Variants in PECAM1 observed in about 807,000 individuals in gnomAD.
The protein encoded by PECAM1 is platelet and endothelial cell adhesion molecule 1, also known as platelet endothelial cell adhesion molecule.
Under a neutral mutation model 13.8 loss-of-function variants are expected in PECAM1, and 8 were observed. The observed-to-expected ratio is 0.58, with a 90% CI of 0.34 to 1.05. The LOEUF is 1.05. Among genes scored for constraint, PECAM1 ranks in the 50% least tolerant of loss-of-function variants. The probability of loss-of-function intolerance (pLI) is 0.03; values close to 1 mark genes in which losing one functional copy is unlikely to be tolerated. For missense variants in PECAM1, 304 were observed against 141.2 expected (o/e 2.15, Z -5.84); for synonymous variants, 136 against 52.6 (o/e 2.58, Z -6.86).
chr17:64,341,493 G>A (rs2035429477), intron 14 of PECAM1, 141 bp downstream of exon 14: 1 of 400,576 alleles, frequency 2.5e-6, no homozygotes, highest in Non-Finnish European at 4.5e-6. Context: ...GTGGGAGAGA[G>A]GAAGCCCACA....
intron 2 of PECAM1, among the ~76,000 whole-genome samples, chr17:64,388,502 C>T (rs1159919496): frequency 6.6e-6 from 1 of 152,164 alleles, no homozygotes; most frequent in Non-Finnish European, 1.5e-5. Context: ...TTATCATCCC[C>T]ATGTTACAGA....
intron 2 of PECAM1, among the ~76,000 whole-genome samples, chr17:64,380,035 AAAAG>A (rs1304682154): frequency 1.3e-5 from 2 of 151,708 alleles, no homozygotes; most frequent in Non-Finnish European, 2.9e-5. Flanking sequence ...AAAAAAAAAA[AAAAG>A]AAAGAAAAGA....
At chr17:64,326,519 A>C (rs536228628) in intron 15 of PECAM1, among the ~76,000 whole-genome samples, 3 of 152,300 alleles carry the variant, frequency 2.0e-5, no homozygotes, top group South Asian at 4.1e-4. Flanking sequence ...GAGGCCTGCC[A>C]GCGCCGGCAG....
intron 5 of PECAM1, 58 bp downstream of exon 5, chr17:64,369,692 G>A (rs1026450126): frequency 2.5e-6 from 1 of 398,456 alleles, no homozygotes; most frequent in South Asian, 1.3e-4. Flanking sequence ...CTGGATTGCA[G>A]CATGGTGGCC....
At chr17:64,329,274 G>A (rs370721998) in intron 15 of PECAM1, among the ~76,000 whole-genome samples, 5 of 152,232 alleles carry the variant, frequency 3.3e-5, no homozygotes, top group Admixed American at 6.5e-5. Context: ...AAGGTGAACT[G>A]AGGTCAAGAA....
intron 14 of PECAM1, among the ~76,000 whole-genome samples, chr17:64,337,851 G>C (rs2035322286): frequency 1.3e-5 from 2 of 151,564 alleles, no homozygotes; most frequent in Admixed American, 6.6e-5. Context: ...AGCTGGTTCA[G>C]ATGTAGAAGG....
At chr17:64,375,949 C>G (rs1035627361) in intron 3 of PECAM1, among the ~76,000 whole-genome samples, 1 of 151,766 alleles carries the variant, frequency 6.6e-6, no homozygotes, top group Non-Finnish European at 1.5e-5. Context: ...TGGGAGGGAG[C>G]GAGGGATAAA....
chr17:64,358,854 C>T (rs919861777), intron 7 of PECAM1, among the ~76,000 whole-genome samples: 5 of 150,624 alleles, frequency 3.3e-5, no homozygotes, highest in South Asian at 2.1e-4. Flanking sequence ...TGGAGTGTAG[C>T]GGAATGATAT....
intron 12 of PECAM1, among the ~76,000 whole-genome samples, chr17:64,349,619 G>T (rs2035666905): frequency 1.4e-5 from 2 of 147,850 alleles, no homozygotes; most frequent in Non-Finnish European, 3.0e-5. Context: ...AGGCGCAGTG[G>T]CTCGCGCCTG....
intron 13 of PECAM1, among the ~76,000 whole-genome samples, chr17:64,345,711 TAAAAA>T (rs34143232): frequency 3.3e-4 from 27 of 81,610 alleles, no homozygotes; most frequent in African/African-American, 8.4e-4. Flanking sequence ...AAGACTGTCA[TAAAAA>T]AAAAAAAAAA....
chr17:64,344,671 C>G (rs941297693), intron 13 of PECAM1, among the ~76,000 whole-genome samples: 2 of 152,052 alleles, frequency 1.3e-5, no homozygotes, highest in Non-Finnish European at 2.9e-5. Context: ...TGGCCTTGTA[C>G]CCACAAAGCC....
At chr17:64,387,326 C>T (rs1314606644) in intron 2 of PECAM1, among the ~76,000 whole-genome samples, 1 of 151,564 alleles carries the variant, frequency 6.6e-6, no homozygotes, top group Non-Finnish European at 1.5e-5. Context: ...CGAGGCGTGT[C>T]TGAGAGGTGA....
In PECAM1 at chr17:64,375,349, G is replaced by A; in HGVS notation, c.393C>T (p.Pro131=). 2.1e-6 allele frequency: 1 copy of A among 470,548 alleles called. No individual in the cohort carries two copies. Among genetic ancestry groups the A allele is most frequent in the African/African-American group, 2.0e-5 (1 of 49,600 alleles). 29.1% of individuals were successfully genotyped at this position (470,548 alleles called of 1,614,324 possible). A position where few individuals can be genotyped will look rare whatever the true frequency, so the allele number is the denominator to read the frequency against. Residue 131 remains proline, a synonymous_variant, in exon 4 of 16, where the codon CCC becomes CCT. Coordinates refer to ENST00000563924, the MANE Select transcript of PECAM1 (RefSeq NM_000442.5). ...AEYQVLVEGV[P]SPRVTLDKKE... is the part of the protein sequence containing the mutation. Reference sequence around the variant, plus strand: ...TCTTGTCCAGTGTCACCCTGGGACTGGGCACTCCTACGGGGAAAGAGAAAG... The same window carrying A: ...TCTTGTCCAGTGTCACCCTGGGACTAGGCACTCCTACGGGGAAAGAGAAAG...
At chr17:64,341,786 G>A in intron 13 of PECAM1, 96 bp from the exon 14 acceptor site, 1 of 406,930 alleles carries the variant, frequency 2.5e-6, no homozygotes. Flanking sequence ...TGCAGGCAAG[G>A]CTGTACCCCA....
intron 6 of PECAM1, among the ~76,000 whole-genome samples, chr17:64,361,753 C>CAAAAAA (rs61144320): frequency 7.3e-5 from 5 of 68,102 alleles, no homozygotes; most frequent in Admixed American, 2.1e-4. Context: ...AACTCCATCT[C>CAAAAAA]AAAAAAAAAA....
In PECAM1 at chr17:64,380,392, A is replaced by T. The variant is rs931433375; in HGVS notation, c.92-2275T>A. 9.2e-5 allele frequency among the ~76,000 whole-genome samples: 14 copies of T among 152,288 alleles called. 1 individual carries two copies. The South Asian group carries it at 2.9e-3, about 32-fold the overall frequency. On this transcript the variant is annotated intron_variant, in intron 2 of 15. Transcript: ENST00000563924. Reference sequence around the variant, plus strand: ...TGATCTGTAGGGGATTTGGAAAAAAATGTACTGAAAGTCCATGACCATAAA... The same window carrying T: ...TGATCTGTAGGGGATTTGGAAAAAATTGTACTGAAAGTCCATGACCATAAA...
At chr17:64,341,754 C>A in intron 13 of PECAM1, 64 bp from the exon 14 acceptor site, 1 of 412,948 alleles carries the variant, frequency 2.4e-6, no homozygotes, top group South Asian at 1.3e-4. Flanking sequence ...CCACTGCAGT[C>A]ATAGGAAAAG....
rs1028916453 is a variant in PECAM1, at chr17:64,322,286, T to C, written c.*1530A>G. 29 of 462,304 alleles carry C rather than the reference T, an allele frequency of 6.3e-5. No individual in the cohort carries two copies. The highest frequency in any genetic ancestry group is 5.1e-4 in the African/African-American group (24 of 47,210). The allele number at this position is 462,304 out of a possible 1,614,324, so 28.6% of individuals were successfully genotyped here. A position where few individuals can be genotyped will look rare whatever the true frequency, so the allele number is the denominator to read the frequency against. ...CTGTAATCCCAGCTACTCGGGAGGC[T>C]GAGACAGGAGAACTGCTTGAACCCA... On this transcript the variant is annotated 3_prime_UTR_variant, in exon 16 of 16. Transcript: ENST00000563924.
chr17:64,323,481 C>G lies in PECAM1; in HGVS notation c.*335G>C, dbSNP rs1255122611. ...GTGTATGAGGGTGCATGGAAAAGGT[C>G]TTTATCTCTGCACAAAACAAAATAT... On this transcript the variant is annotated 3_prime_UTR_variant, in exon 16 of 16. Transcript: ENST00000563924. The G allele has an allele frequency of 7.9e-7, 1 of 1,266,224 alleles. No individual in the cohort carries two copies. Among genetic ancestry groups the G allele is most frequent in the Non-Finnish European group, 1.0e-6 (1 of 995,998 alleles). The allele number at this position is 1,266,224 out of a possible 1,614,324, so 78.4% of individuals were successfully genotyped here. A position where few individuals can be genotyped will look rare whatever the true frequency, so the allele number is the denominator to read the frequency against.
Sources: allele counts gnomAD v4.1 joint callset (sites outside exome capture counted in the v4.1 genomes callset), GRCh38; gene constraint gnomAD v4.1.1; transcripts MANE v1.5; gene names NCBI Gene and HGNC (gene_info 2026-07-23, HGNC 2026-07-21).